GALNT13: variants seen among roughly 807,000 people sequenced by gnomAD.
GALNT13 encodes the protein polypeptide N-acetylgalactosaminyltransferase 13.
A neutral mutation model predicts 64.2 loss-of-function variants in GALNT13; 28 were observed. That is an observed-to-expected ratio of 0.44 (90% CI 0.32 to 0.60). GALNT13 has a LOEUF of 0.60. GALNT13 is among the 20% of genes least tolerant of loss of function. GALNT13 has a pLI of 0.05. For synonymous variants in GALNT13, 214 were observed against 224.6 expected, an observed-to-expected ratio of 0.95 and a Z score of 0.42; for missense variants, 577 against 669.8, an observed-to-expected ratio of 0.86 and a Z score of 1.53.
chr2:153,470,241 A>C, the GALNT13 span, among the ~76,000 whole-genome samples: 4 of 151,966 alleles, frequency 2.6e-5, no homozygotes, highest in African/African-American at 7.3e-5. Context: ...TTGATACTAG[A>C]ATTCCTTCTC....
chr2:153,910,081 G>A (rs1309372364), intron 2 of GALNT13, among the ~76,000 whole-genome samples: 1 of 150,412 alleles, frequency 6.6e-6, no homozygotes, highest in African/African-American at 2.4e-5. Context: ...TTTTTTTTTG[G>A]TTGGTAGACT....
the GALNT13 span, among the ~76,000 whole-genome samples, chr2:153,669,721 C>T: frequency 6.6e-6 from 1 of 152,060 alleles, no homozygotes; most frequent in Non-Finnish European, 1.5e-5. Context: ...TGGGGCATTG[C>T]CTCACCCAGG....
the GALNT13 span, among the ~76,000 whole-genome samples, chr2:153,519,168 A>G: frequency 2.0e-5 from 3 of 152,162 alleles, no homozygotes; most frequent in Non-Finnish European, 4.4e-5. Context: ...TCCAAACAGG[A>G]TTCTGTTGAT....
At chr2:153,077,017 T>G in the GALNT13 span, among the ~76,000 whole-genome samples, 2 of 152,112 alleles carry the variant, frequency 1.3e-5, no homozygotes, top group Non-Finnish European at 2.9e-5. Context: ...AGTGGCATGA[T>G]CTTGGCTCAC....
At chr2:154,065,224 C>A (rs1700400498) in intron 3 of GALNT13, among the ~76,000 whole-genome samples, 1 of 152,054 alleles carries the variant, frequency 6.6e-6, no homozygotes, top group African/African-American at 2.4e-5. Flanking sequence ...AATACAGCAC[C>A]ACATAGATTT....
At chr2:154,080,179 A>G (rs1014248825) in intron 3 of GALNT13, among the ~76,000 whole-genome samples, 32 of 151,590 alleles carry the variant, frequency 2.1e-4, no homozygotes, top group Admixed American at 6.0e-4. Flanking sequence ...TATTTAAGCA[A>G]TTTTGCTGCT....
chr2:154,389,468 C>A (rs1452402012), intron 9 of GALNT13, among the ~76,000 whole-genome samples: 1 of 152,106 alleles, frequency 6.6e-6, no homozygotes, highest in African/African-American at 2.4e-5. Flanking sequence ...AAAATAATTT[C>A]CCTTTTAAGT....
intron 4 of GALNT13, among the ~76,000 whole-genome samples, chr2:154,189,212 G>T (rs1573840740): frequency 6.6e-6 from 1 of 152,170 alleles, no homozygotes; most frequent in East Asian, 1.9e-4. Context: ...TCAGACTAGT[G>T]TATAGAGATG....
At chr2:153,887,697 C>A (rs1476271300) in intron 1 of GALNT13, among the ~76,000 whole-genome samples, 1 of 151,938 alleles carries the variant, frequency 6.6e-6, no homozygotes, top group Non-Finnish European at 1.5e-5. Flanking sequence ...TCCAACATCA[C>A]CGCTGATTTT....
intron 4 of GALNT13, among the ~76,000 whole-genome samples, chr2:154,196,912 A>C (rs1195113503): frequency 1.3e-5 from 2 of 152,126 alleles, no homozygotes; most frequent in African/African-American, 4.8e-5. Flanking sequence ...ATGGGTTCTA[A>C]TCTTGATTGG....
chr2:153,404,570 A>T, the GALNT13 span, among the ~76,000 whole-genome samples: 1 of 151,832 alleles, frequency 6.6e-6, no homozygotes, highest in Admixed American at 6.6e-5. Flanking sequence ...ATTTTCTGCT[A>T]TTATTAAGTA....
chr2:153,503,911 T>C, the GALNT13 span, among the ~76,000 whole-genome samples: 1 of 152,162 alleles, frequency 6.6e-6, no homozygotes, highest in African/African-American at 2.4e-5. Context: ...TTTTTCTAGT[T>C]ACATGAGGAA....
At chr2:153,302,702 CT>C in the GALNT13 span, among the ~76,000 whole-genome samples, 1 of 152,132 alleles carries the variant, frequency 6.6e-6, no homozygotes, top group African/African-American at 2.4e-5. Flanking sequence ...ACAGTTAAGA[CT>C]TTAATTCATT....
intron 8 of GALNT13, among the ~76,000 whole-genome samples, chr2:154,299,541 G>A (rs923213852): frequency 1.4e-5 from 2 of 145,834 alleles, no homozygotes; most frequent in East Asian, 2.1e-4. Context: ...TGCAACCTCC[G>A]CCTCCCGGGT....
chr2:153,498,485 T>C, the GALNT13 span, among the ~76,000 whole-genome samples: 2 of 152,212 alleles, frequency 1.3e-5, no homozygotes, highest in African/African-American at 4.8e-5. Context: ...CCAGCCACTT[T>C]GCACAGCCAG....
chr2:154,211,596 C>CCAG (rs1257351284), intron 4 of GALNT13, among the ~76,000 whole-genome samples: 6 of 128,030 alleles, frequency 4.7e-5, no homozygotes, highest in African/African-American at 1.8e-4. Context: ...CCATTGCACT[C>CCAG]CAGCCTGGGC....
chr2:153,760,727 A>G, the GALNT13 span, among the ~76,000 whole-genome samples: 1 of 152,096 alleles, frequency 6.6e-6, no homozygotes, highest in African/African-American at 2.4e-5. Context: ...AATGTTCTGT[A>G]TATGTCTATT....
chr2:153,489,614 A>G, the GALNT13 span, among the ~76,000 whole-genome samples: 1 of 152,206 alleles, frequency 6.6e-6, no homozygotes, highest in Non-Finnish European at 1.5e-5. Context: ...TACTAAATAC[A>G]AGTGGAATTA....
the GALNT13 span, among the ~76,000 whole-genome samples, chr2:153,107,939 A>G: frequency 6.6e-6 from 1 of 152,168 alleles, no homozygotes; most frequent in Non-Finnish European, 1.5e-5. Context: ...TATCATTTCC[A>G]AAAGAACACA....
Sources: allele counts gnomAD v4.1 joint callset (sites outside exome capture counted in the v4.1 genomes callset), GRCh38; gene constraint gnomAD v4.1.1; transcripts MANE v1.5; gene names NCBI Gene and HGNC (gene_info 2026-07-23, HGNC 2026-07-21).